The following LRCH2 variants were observed in gnomAD, a reference collection of about 807,000 sequenced individuals.
LRCH2 encodes leucine-rich repeat and calponin homology domain-containing protein 2.
A neutral mutation model predicts 68.9 loss-of-function variants in LRCH2; 38 were observed. That is an observed-to-expected ratio of 0.55 (90% CI 0.43 to 0.72). The LOEUF (loss-of-function observed/expected upper bound fraction) is 0.72, where lower values mean the gene tolerates loss of function less well. Ranked by LOEUF, LRCH2 falls within the 30% of genes least tolerant of loss-of-function variation. The pLI, the probability that LRCH2 is intolerant of heterozygous loss-of-function variation, is 0.00. For synonymous variants in LRCH2, 191 were observed against 208.1 expected (o/e 0.92, Z 0.71); for missense variants, 528 against 572.9 (o/e 0.92, Z 0.80).
intron 13 of LRCH2, 34 bp from the exon 14 acceptor site, chrX:115,149,977 A>C (rs1556537860): frequency 7.0e-6 from 8 of 1,148,671 alleles, no homozygotes; most frequent in Middle Eastern, 2.4e-4. Context: ...ACTAAATAAA[A>C]GAGAACAAAA....
At chrX:115,121,117 CAT>C (rs2072137273) in intron 20 of LRCH2, among the ~76,000 whole-genome samples, 1 of 108,261 alleles carries the variant, frequency 9.2e-6, no homozygotes, top group Non-Finnish European at 1.9e-5. Flanking sequence ...CACATGTATA[CAT>C]ATGTAACTAA....
intron 1 of LRCH2, chrX:115,190,053 C>T: frequency 4.3e-6 from 5 of 1,156,670 alleles, no homozygotes; most frequent in Non-Finnish European, 5.8e-6. Context: ...GCCCACCCCA[C>T]AAGAGGGCTG....
rs200694086 is a variant in LRCH2, at chrX:115,125,640, CAT to C, written c.1791+1201_1791+1202del. On this transcript the variant is annotated intron_variant, in intron 16 of 20. Coordinates refer to ENST00000317135, the MANE Select transcript of LRCH2 (RefSeq NM_020871.4). ...ATATGTATATATATACATATATATA[CAT>C]ATATATATACACGTATATATATACG... Among the ~76,000 whole-genome samples, 25 of 71,175 alleles carry C rather than the reference CAT, an allele frequency of 3.5e-4. 2 individuals carry two copies. Among genetic ancestry groups the C allele is most frequent in the Middle Eastern group, 7.6e-3 (1 of 131 alleles). 61.8% of individuals were successfully genotyped at this position (71,175 alleles called of 115,157 possible).
chrX:115,166,929 T>C (rs1390485473), intron 6 of LRCH2, among the ~76,000 whole-genome samples: 1 of 110,007 alleles, frequency 9.1e-6, no homozygotes, highest in Non-Finnish European at 1.9e-5. Context: ...CAGTCTACAA[T>C]GACCACTTAT....
At chrX:115,173,387 C>T (rs782411210) in intron 5 of LRCH2, among the ~76,000 whole-genome samples, 3 of 111,619 alleles carry the variant, frequency 2.7e-5, no homozygotes, top group Admixed American at 1.9e-4. Context: ...ATTAACACTG[C>T]CAACCCCTCG....
chrX:115,147,231 G>A (rs781960551), intron 14 of LRCH2, among the ~76,000 whole-genome samples: 1 of 111,365 alleles, frequency 9.0e-6, no homozygotes, highest in East Asian at 2.8e-4. Context: ...TTCAATTATC[G>A]GGAGATAGGT....
intron 1 of LRCH2, among the ~76,000 whole-genome samples, chrX:115,197,851 A>T (rs370627579): frequency 0.028 from 572 of 20,497 alleles, no homozygotes; most frequent in East Asian, 0.1. Flanking sequence ...TCTCTCTCAC[A>T]CACACACACA....
intron 1 of LRCH2, among the ~76,000 whole-genome samples, chrX:115,202,342 A>G: frequency 9.0e-6 from 1 of 111,451 alleles, no homozygotes; most frequent in Non-Finnish European, 1.9e-5. Context: ...AGATATAGAG[A>G]GCAGAGTGAT....
intron 18 of LRCH2, 66 bp from the exon 19 acceptor site, chrX:115,122,963 A>C (rs1445437991): frequency 3.4e-5 from 37 of 1,094,596 alleles, no homozygotes; most frequent in Non-Finnish European, 4.3e-5. Flanking sequence ...TTATATTACT[A>C]ATTGTTGTAT....
At chrX:115,133,411 G>A (rs781908180) in intron 14 of LRCH2, among the ~76,000 whole-genome samples, 8 of 112,053 alleles carry the variant, frequency 7.1e-5, no homozygotes, top group Non-Finnish European at 1.1e-4. Context: ...ATAAAATTCA[G>A]TTTAATCAGA....
intron 1 of LRCH2, among the ~76,000 whole-genome samples, chrX:115,232,002 G>A (rs926966604): frequency 1.9e-4 from 21 of 111,294 alleles, no homozygotes; most frequent in African/African-American, 6.9e-4. Context: ...TTAAATAGAC[G>A]GAGAAAAGAG....
Position 115,201,988 on chromosome X carries a change from G to A in LRCH2, c.350-13618C>T, listed in dbSNP as rs189616163. The stretch of plus-strand genomic sequence containing the variant: ...ACAAGGAAAACTATAAAACACAGAT[G>A]AAAGAAATTGAAGATGACAAAAACA... On this transcript the variant is annotated intron_variant, in intron 1 of 20. Transcript: ENST00000317135. 4.9e-3 allele frequency among the ~76,000 whole-genome samples: 547 copies of A among 111,528 alleles called. 2 individuals are homozygous for A. The highest frequency in any genetic ancestry group is 7.2e-3 in the Non-Finnish European group (382 of 53,050).
intron 1 of LRCH2, among the ~76,000 whole-genome samples, chrX:115,218,690 G>A (rs1260395763): frequency 8.9e-6 from 1 of 112,126 alleles, no homozygotes; most frequent in Non-Finnish European, 1.9e-5. Flanking sequence ...ATTGATTGCA[G>A]GCCATCACTT....
At chrX:115,170,462 A>G in intron 5 of LRCH2, 30 bp from the exon 6 acceptor site, 1 of 1,000,557 alleles carries the variant, frequency 1.0e-6, no homozygotes, top group Non-Finnish European at 1.3e-6. Context: ...ATTTAATTAT[A>G]TAGTTCCAAA....
chrX:115,149,843 C>T lies in LRCH2; in HGVS notation c.1679G>A (p.Arg560Lys), dbSNP rs782763613. The change falls in exon 14 of 21, where the codon AGA (arginine) becomes AAA (lysine). Residue 560 changes from arginine to lysine, a missense_variant. Coordinates refer to ENST00000317135, the MANE Select transcript of LRCH2 (RefSeq NM_020871.4). The stretch of plus-strand genomic sequence containing the variant: ...ATAGAGTACCTTGAAATATTCTTTT[C>T]TAATCTGTTTGCTCCGCCTCCTTTC... ...SEERRRSKQI[R>K]KEYFKYKSMR... is the part of the protein sequence containing the mutation. 1.7e-6 allele frequency: 2 copies of T among 1,176,864 alleles called. No individual in the cohort carries two copies. The highest frequency in any genetic ancestry group is 2.3e-6 in the Non-Finnish European group (2 of 869,999).
At chrX:115,165,150 C>T (rs2072547816) in intron 10 of LRCH2, among the ~76,000 whole-genome samples, 1 of 109,827 alleles carries the variant, frequency 9.1e-6, no homozygotes, top group Non-Finnish European at 1.9e-5. Context: ...TATAGTCCTC[C>T]TCAATAATAA....
chrX:115,123,254 G>C (rs2072159748), intron 17 of LRCH2, 62 bp from the exon 18 acceptor site: 1 of 815,273 alleles, frequency 1.2e-6, no homozygotes, highest in East Asian at 3.3e-5. Context: ...ACTATTGATG[G>C]GGAAAGAGGC....
At chrX:115,223,407 T>C (rs782188888) in intron 1 of LRCH2, among the ~76,000 whole-genome samples, 2 of 108,078 alleles carry the variant, frequency 1.9e-5, no homozygotes, top group African/African-American at 6.7e-5. Context: ...AAGAAATATT[T>C]GCAAGTGATA....
chrX:115,174,541 G>A (rs2072630538), intron 5 of LRCH2, among the ~76,000 whole-genome samples: 1 of 107,333 alleles, frequency 9.3e-6, no homozygotes, highest in Non-Finnish European at 1.9e-5. Flanking sequence ...CAAATGACAG[G>A]ATTTCCTTCT....
Sources: allele counts gnomAD v4.1 joint callset (sites outside exome capture counted in the v4.1 genomes callset), GRCh38; gene constraint gnomAD v4.1.1; transcripts MANE v1.5; gene names NCBI Gene and HGNC (gene_info 2026-07-23, HGNC 2026-07-21).